The following ASTN2 variants were observed in gnomAD, a reference collection of about 807,000 sequenced individuals.
The protein encoded by ASTN2 is astrotactin-2.
ASTN2 carries 54 observed loss-of-function variants against 139.8 expected under a neutral mutation model. The observed-to-expected ratio is 0.39, with a 90% CI of 0.31 to 0.48. The LOEUF is 0.48. Among genes scored for constraint, ASTN2 ranks in the 20% least tolerant of loss-of-function variants. The pLI is 0.95. For synonymous variants in ASTN2, 756 were observed against 719.5 expected (o/e 1.05, Z -0.81); for missense variants, 1,565 against 1,725.1 (o/e 0.91, Z 1.64).
At chr9:116,555,319 C>A (rs1184296998) in intron 19 of ASTN2, among the ~76,000 whole-genome samples, 1 of 152,186 alleles carries the variant, frequency 6.6e-6, no homozygotes, top group Non-Finnish European at 1.5e-5. Flanking sequence ...ACAAGGCCAG[C>A]TGCACAGGCT....
intron 20 of ASTN2, among the ~76,000 whole-genome samples, chr9:116,460,461 T>C (rs1002203320): frequency 1.3e-5 from 2 of 152,192 alleles, no homozygotes; most frequent in African/African-American, 4.8e-5. Context: ...AGGAGGATCC[T>C]GCCTCGTTAA....
intron 19 of ASTN2, among the ~76,000 whole-genome samples, chr9:116,595,134 AAATGAAGATAATACT>A (rs1207868244): frequency 6.6e-6 from 1 of 152,208 alleles, no homozygotes; most frequent in East Asian, 1.9e-4. Context: ...CCCACATGTG[AAATGAAGATAATACT>A]AACTAATTTT....
Position 117,358,725 on chromosome 9 carries a change from G to A in ASTN2, c.442+55772C>T, listed in dbSNP as rs138995864. On this transcript the variant is annotated intron_variant, in intron 1 of 22. Coordinates refer to ENST00000313400, the MANE Select transcript of ASTN2 (RefSeq NM_001365068.1). Reference sequence around the variant, plus strand: ...GAGAAACGAAGAAAGTTCATGGGCTGCTGGAGAAATGCAATCTCCTCCAGT... The same window carrying A: ...GAGAAACGAAGAAAGTTCATGGGCTACTGGAGAAATGCAATCTCCTCCAGT... Among the ~76,000 whole-genome samples the A allele has an allele frequency of 7.0e-4, 106 of 152,240 alleles. 1 individual carries two copies. Among genetic ancestry groups the A allele is most frequent in the African/African-American group, 2.2e-3 (92 of 41,560 alleles).
intron 1 of ASTN2, among the ~76,000 whole-genome samples, chr9:117,369,264 T>C (rs1226360880): frequency 1.3e-5 from 2 of 152,166 alleles, no homozygotes; most frequent in African/African-American, 4.8e-5. Context: ...TTATAATGAT[T>C]CATTATATTT....
Position 116,765,057 on chromosome 9 carries a change from T to C in ASTN2, c.2397-31534A>G, listed in dbSNP as rs531018421. ...TGAGAGACGCTGTGTGAAATGCTGA[T>C]ACCTCTACAAAATACGTGCTAATGA... is the stretch of plus-strand genomic sequence containing the variant. On this transcript the variant is annotated intron_variant, in intron 13 of 22. Coordinates refer to ENST00000313400, the MANE Select transcript of ASTN2 (RefSeq NM_001365068.1). 5.3e-5 allele frequency among the ~76,000 whole-genome samples: 8 copies of C among 152,310 alleles called. No individual in the cohort carries two copies. In the East Asian group the frequency reaches 1.4e-3, roughly 26 times the overall value.
intron 3 of ASTN2, among the ~76,000 whole-genome samples, chr9:117,176,844 T>C (rs1159487301): frequency 6.6e-6 from 1 of 152,102 alleles, no homozygotes; most frequent in African/African-American, 2.4e-5. Flanking sequence ...AGGTAGGAGA[T>C]TGCTTGAGCC....
intron 10 of ASTN2, among the ~76,000 whole-genome samples, chr9:116,874,292 T>C (rs577075333): frequency 1.3e-5 from 2 of 152,166 alleles, no homozygotes; most frequent in African/African-American, 4.8e-5. Context: ...TATATATATA[T>C]ATTGCTGTTC....
At chr9:117,040,482 G>A (rs919479014) in intron 5 of ASTN2, among the ~76,000 whole-genome samples, 6 of 151,806 alleles carry the variant, frequency 4.0e-5, no homozygotes, top group South Asian at 4.2e-4. Flanking sequence ...TGTTTGAGGC[G>A]GAGTCTCGCT....
chr9:117,320,189 A>G (rs942259194), intron 1 of ASTN2, among the ~76,000 whole-genome samples: 13 of 152,214 alleles, frequency 8.5e-5, no homozygotes, highest in African/African-American at 3.1e-4. Context: ...AGTAAGGATG[A>G]CTGGGATGCT....
intron 13 of ASTN2, among the ~76,000 whole-genome samples, chr9:116,746,148 G>A (rs112823976): frequency 4.8e-4 from 72 of 148,996 alleles, no homozygotes; most frequent in African/African-American, 1.5e-3. Context: ...GTGTAGTGGC[G>A]CCATCTCAGC....
chr9:117,246,400 G>A (rs745725807), intron 2 of ASTN2, among the ~76,000 whole-genome samples: 1 of 152,172 alleles, frequency 6.6e-6, no homozygotes, highest in African/African-American at 2.4e-5. Flanking sequence ...TGGCACCATG[G>A]CAAACTAGTT....
At chr9:116,907,835 G>C (rs541578841) in intron 10 of ASTN2, among the ~76,000 whole-genome samples, 1 of 152,234 alleles carries the variant, frequency 6.6e-6, no homozygotes, top group South Asian at 2.1e-4. Context: ...ACGTGGGTCC[G>C]AAGCCTCCTG....
chr9:116,570,599 G>A (rs1165691938), intron 19 of ASTN2, among the ~76,000 whole-genome samples: 3 of 152,092 alleles, frequency 2.0e-5, no homozygotes, highest in Non-Finnish European at 2.9e-5. Flanking sequence ...GGGTTTCACC[G>A]TGTTAGCCAG....
rs147437641 is a variant in ASTN2, at chr9:116,423,688, C to T, written c.*2163G>A. Among the ~76,000 whole-genome samples, 114 of 152,172 alleles carry T rather than the reference C, an allele frequency of 7.5e-4. No homozygotes were observed. The highest frequency in any genetic ancestry group is 3.4e-3 in the Middle Eastern group (1 of 294). Reference sequence around the variant, plus strand: ...TAATAGTAAACTTCCTGAAAGAGTGCCTTAGAGCTTAGATTGTGAGAGGTT... The same window carrying T: ...TAATAGTAAACTTCCTGAAAGAGTGTCTTAGAGCTTAGATTGTGAGAGGTT... On this transcript the variant is annotated 3_prime_UTR_variant, in exon 23 of 23. Transcript: ENST00000313400.
intron 16 of ASTN2, among the ~76,000 whole-genome samples, chr9:116,709,604 C>A (rs1245257527): frequency 1.3e-5 from 2 of 152,172 alleles, no homozygotes; most frequent in African/African-American, 4.8e-5. Flanking sequence ...AAACAGTTTT[C>A]TATCCAAGGT....
chr9:116,936,764 T>C (rs1171077408), intron 10 of ASTN2, among the ~76,000 whole-genome samples: 1 of 152,194 alleles, frequency 6.6e-6, no homozygotes, highest in African/African-American at 2.4e-5. Context: ...AGATGACAAA[T>C]GAACCCACAC....
In ASTN2 at chr9:116,698,838, A is replaced by G; in HGVS notation, c.2806+26933T>C. The G allele has an allele frequency of 6.2e-7, 1 of 1,614,254 alleles. No homozygotes were observed. The highest frequency in any genetic ancestry group is 1.7e-5 in the Admixed American group (1 of 60,032). On this transcript the variant is annotated intron_variant, in intron 16 of 22. Transcript: ENST00000313400. This position sits in a 1 kb window ranked among gnomAD's most constrained non-coding sequence, Gnocchi z 4.4. ...TCTCAAGAAGATGGGGGCCAAAGGCAGCACTCCAGGAATGTTCAATCTTCC... is the reference window on the plus strand; with the variant it reads ...TCTCAAGAAGATGGGGGCCAAAGGCGGCACTCCAGGAATGTTCAATCTTCC...
intron 5 of ASTN2, among the ~76,000 whole-genome samples, chr9:117,044,268 T>C (rs930935091): frequency 1.3e-5 from 2 of 152,056 alleles, no homozygotes; most frequent in African/African-American, 4.8e-5. Context: ...GAGAAGGACA[T>C]AAGAAGGAGA....
At chr9:116,743,048 T>C (rs1829135906) in intron 13 of ASTN2, among the ~76,000 whole-genome samples, 1 of 152,024 alleles carries the variant, frequency 6.6e-6, no homozygotes. Context: ...CCAGCAAGGA[T>C]CCACAAGAAC....
Sources: allele counts gnomAD v4.1 joint callset (sites outside exome capture counted in the v4.1 genomes callset), GRCh38; gene constraint gnomAD v4.1.1; non-coding constraint Gnocchi (gnomAD v3.1); transcripts MANE v1.5; gene names NCBI Gene and HGNC (gene_info 2026-07-23, HGNC 2026-07-21).